The following VWA3B variants were observed in gnomAD, a reference collection of about 807,000 sequenced individuals.
VWA3B encodes von Willebrand factor A domain-containing protein 3B.
Under a neutral mutation model 158.3 loss-of-function variants are expected in VWA3B, and 138 were observed. The observed-to-expected ratio is 0.87, with a 90% CI of 0.76 to 1.00. The LOEUF (loss-of-function observed/expected upper bound fraction) is 1.00, where lower values mean the gene tolerates loss of function less well. Among genes scored for constraint, VWA3B ranks in the 50% least tolerant of loss-of-function variants. The pLI is 0.00. For missense variants in VWA3B, 1,555 were observed against 1,565.1 expected (o/e 0.99, Z 0.11); for synonymous variants, 596 against 587.3 (o/e 1.01, Z -0.21).
chr2:98,176,683 A>C (rs1283894895), intron 8 of VWA3B, among the ~76,000 whole-genome samples: 2 of 152,178 alleles, frequency 1.3e-5, no homozygotes, highest in Non-Finnish European at 2.9e-5. Flanking sequence ...TGTTCTATGC[A>C]GAAAGACTCT....
chr2:98,299,388 A>T (rs56149802), intron 24 of VWA3B, among the ~76,000 whole-genome samples: 17,552 of 152,212 alleles, frequency 0.12, 1,234 homozygotes, highest in Non-Finnish European at 0.16. Context: ...CCGCGTTCCT[A>T]ATTCCAGCTC....
intron 21 of VWA3B, among the ~76,000 whole-genome samples, chr2:98,261,330 T>C (rs1439902248): frequency 2.0e-5 from 3 of 151,802 alleles, no homozygotes; most frequent in African/African-American, 7.2e-5. Flanking sequence ...ATATAGTTAT[T>C]GTCACAAATT....
intron 12 of VWA3B, among the ~76,000 whole-genome samples, chr2:98,195,990 T>C (rs943096298): frequency 6.6e-6 from 1 of 152,208 alleles, no homozygotes. Context: ...GAGGACATTA[T>C]ATTAAGTAAA....
intron 11 of VWA3B, among the ~76,000 whole-genome samples, chr2:98,193,613 T>G (rs1013130352): frequency 6.6e-6 from 1 of 151,580 alleles, no homozygotes; most frequent in African/African-American, 2.4e-5. Context: ...TTTTTTTTTT[T>G]GAGATGGAGT....
intron 14 of VWA3B, among the ~76,000 whole-genome samples, chr2:98,227,871 G>A (rs7590288): frequency 0.9 from 136,733 of 152,312 alleles, 61,659 homozygotes; most frequent in East Asian, 0.97. Context: ...TTCAAATGGT[G>A]CATTTTACAG....
At chr2:98,134,800 G>A (rs867672792) in intron 7 of VWA3B, among the ~76,000 whole-genome samples, 20 of 151,946 alleles carry the variant, frequency 1.3e-4, no homozygotes, top group Admixed American at 9.8e-4. Context: ...TTACGTAACG[G>A]TGCTGCAAAG....
rs1553633936 is a variant in VWA3B at position 98,092,860 on chromosome 2, A to ATATATATATG, written c.-32-201_-32-200insTATATATATG. On this transcript the variant is annotated intron_variant, in intron 1 of 27. Transcript: ENST00000477737. The stretch of plus-strand genomic sequence containing the variant: ...TATATATATATATATATATATATAT[A>ATATATATATG]GTTGAATATTGAACTTTATGGATAC... Among the ~76,000 whole-genome samples the ATATATATATG allele has an allele frequency of 1.9e-4, 22 of 118,520 alleles. 1 individual carries two copies. Among genetic ancestry groups the ATATATATATG allele is most frequent in the South Asian group, 8.0e-4 (3 of 3,754 alleles). 77.8% of individuals were successfully genotyped at this position (118,520 alleles called of 152,430 possible). A position where few individuals can be genotyped will look rare whatever the true frequency, so the allele number is the denominator to read the frequency against.
Position 98,205,841 on chromosome 2 carries a change from C to T in VWA3B, c.1738-6089C>T, listed in dbSNP as rs895646208. 3.9e-5 allele frequency among the ~76,000 whole-genome samples: 6 copies of T among 152,072 alleles called. No individual in the cohort carries two copies. The South Asian group carries it at 8.3e-4, about 21-fold the overall frequency. On this transcript the variant is annotated intron_variant, in intron 12 of 27. Transcript: ENST00000477737. ...GTGTTTGTGGAAATTTTCATGTTGT[C>T]TTTCTGTTATTAATTTCTATTTTGA... is the stretch of plus-strand genomic sequence containing the variant.
chr2:98,277,793 T>C (rs893713942), intron 22 of VWA3B, among the ~76,000 whole-genome samples: 1 of 152,174 alleles, frequency 6.6e-6, no homozygotes, highest in Non-Finnish European at 1.5e-5. Flanking sequence ...GTTGAGAACA[T>C]TCTGTTGGGT....
At chr2:98,236,265 C>G in intron 17 of VWA3B, 125 bp from the exon 18 acceptor site, 7 of 1,056,464 alleles carry the variant, frequency 6.6e-6, no homozygotes, top group Non-Finnish European at 9.8e-6. Flanking sequence ...AGGATATGTT[C>G]TCTGAAATGT....
chr2:98,149,415 G>A (rs935203865), intron 7 of VWA3B, among the ~76,000 whole-genome samples: 2 of 152,192 alleles, frequency 1.3e-5, no homozygotes, highest in Non-Finnish European at 2.9e-5. Context: ...CCCAGTTACA[G>A]AATTTTCTGG....
chr2:98,256,223 G>A (rs756593378), intron 21 of VWA3B, 49 bp downstream of exon 21: 69 of 1,584,242 alleles, frequency 4.4e-5, no homozygotes, highest in Non-Finnish European at 5.5e-5. Context: ...TGAAATTCAC[G>A]TAACCTAAAA....
chr2:98,296,799 A>C (rs1689826730), intron 23 of VWA3B, among the ~76,000 whole-genome samples: 1 of 152,174 alleles, frequency 6.6e-6, no homozygotes, highest in African/African-American at 2.4e-5. Flanking sequence ...GATAAATTTC[A>C]AGTCGGATAA....
intron 25 of VWA3B, among the ~76,000 whole-genome samples, chr2:98,301,217 G>C (rs1445277947): frequency 6.6e-6 from 1 of 150,604 alleles, no homozygotes; most frequent in Non-Finnish European, 1.5e-5. Context: ...GTGAACCTGG[G>C]AGGCAGAGCT....
chr2:98,236,449 C>G lies in VWA3B; in HGVS notation c.2488C>G (p.Arg830Gly), dbSNP rs766367859. The G allele has an allele frequency of 6.2e-7, 1 of 1,614,024 alleles. No individual in the cohort carries two copies. Among genetic ancestry groups the G allele is most frequent in the African/African-American group, 1.3e-5 (1 of 74,898 alleles). ...LDDKSSEKVT[R>G]EGSQVYDHDS... ...TGACAAATCGTCAGAAAAGGTGACG[C>G]GAGAAGGAAGCCAGGTTTATGACCA... The change falls in exon 18 of 28, where the codon CGA (arginine) becomes GGA (glycine). Residue 830 changes from arginine (R) to glycine (G), a missense_variant. Coordinates refer to ENST00000477737, the MANE Select transcript of VWA3B (RefSeq NM_144992.5).
At chr2:98,311,782 T>C in intron 26 of VWA3B, 37 bp from the exon 27 acceptor site, 1 of 1,526,290 alleles carries the variant, frequency 6.6e-7, no homozygotes, top group Non-Finnish European at 8.8e-7. Context: ...CCCGCAGCCA[T>C]CAAGGCAGGG....
intron 6 of VWA3B, 23 bp downstream of exon 6, chr2:98,128,431 A>G (rs921390749): frequency 1.9e-6 from 3 of 1,607,002 alleles, no homozygotes; most frequent in Non-Finnish European, 2.6e-6. Flanking sequence ...TGTGCTCTTG[A>G]GTGACAGCAA....
chr2:98,328,282 G>A, the VWA3B span, among the ~76,000 whole-genome samples: 3 of 152,154 alleles, frequency 2.0e-5, no homozygotes, highest in African/African-American at 7.2e-5. Flanking sequence ...TTTCTGCTAT[G>A]ATTGGGAACA....
chr2:98,165,597 G>A (rs1336819880), intron 8 of VWA3B, among the ~76,000 whole-genome samples: 1 of 152,116 alleles, frequency 6.6e-6, no homozygotes, highest in Non-Finnish European at 1.5e-5. Context: ...AGGAGAAATG[G>A]GGATGGGGAC....
Sources: gnomAD v4.1 joint callset for allele counts (sites outside exome capture counted in the v4.1 genomes callset) on GRCh38, gnomAD v4.1.1 for gene constraint, MANE v1.5 for transcripts, NCBI Gene and HGNC (gene_info 2026-07-23, HGNC 2026-07-21) for gene names.